Variants in DOCK3 observed in about 807,000 individuals in gnomAD.
DOCK3 encodes dedicator of cytokinesis protein 3.
DOCK3 carries 60 observed loss-of-function variants against 265.6 expected under a neutral mutation model. That is an observed-to-expected ratio of 0.23 (90% CI 0.18 to 0.28). The LOEUF is 0.28. DOCK3 is among the 10% of genes least tolerant of loss of function. DOCK3 has a pLI of 1.00. For synonymous variants in DOCK3, 881 were observed against 938.0 expected (o/e 0.94, Z 1.11); for missense variants, 1,981 against 2,594.3 (o/e 0.76, Z 5.14).
intron 5 of DOCK3, among the ~76,000 whole-genome samples, chr3:51,020,646 A>G (rs748603089): frequency 6.6e-6 from 1 of 151,832 alleles, no homozygotes; most frequent in Non-Finnish European, 1.5e-5. Flanking sequence ...TAATTTTTGT[A>G]TAATGTATAA....
intron 5 of DOCK3, among the ~76,000 whole-genome samples, chr3:51,049,890 A>G (rs1054896521): frequency 6.6e-6 from 1 of 151,908 alleles, no homozygotes; most frequent in African/African-American, 2.4e-5. Context: ...TAGAAAATCA[A>G]CACACAAATA....
intron 12 of DOCK3, among the ~76,000 whole-genome samples, chr3:51,197,569 T>C (rs2088388096): frequency 1.3e-5 from 2 of 151,864 alleles, no homozygotes; most frequent in Admixed American, 1.3e-4. Flanking sequence ...GTGCCCAAAG[T>C]GGTTGTGTTG....
At chr3:51,338,546 T>C (rs2085018205) in intron 36 of DOCK3, 127 bp downstream of exon 36, 1 of 1,025,336 alleles carries the variant, frequency 9.8e-7, no homozygotes, top group East Asian at 2.6e-5. Context: ...ACATCAGCTC[T>C]GTTACTGGTA....
chr3:51,205,312 T>C (rs1325230593), intron 12 of DOCK3, among the ~76,000 whole-genome samples: 42 of 151,938 alleles, frequency 2.8e-4, no homozygotes, highest in Non-Finnish European at 5.9e-5. Flanking sequence ...AACACGAGGA[T>C]GCTGCTAAAA....
intron 5 of DOCK3, among the ~76,000 whole-genome samples, chr3:51,020,335 AGTTT>A (rs2079531483): frequency 2.0e-5 from 3 of 151,168 alleles, no homozygotes; most frequent in Non-Finnish European, 2.9e-5. Flanking sequence ...TTTTCTCGTA[AGTTT>A]GTTTGAGTTC....
chr3:51,293,964 A>G (rs2081931045), intron 27 of DOCK3, among the ~76,000 whole-genome samples: 2 of 152,214 alleles, frequency 1.3e-5, no homozygotes, highest in Admixed American at 6.5e-5. Context: ...TGGTGAGGAT[A>G]TGGAGAAAAG....
chr3:50,724,518 AG>A (rs2108049802), intron 1 of DOCK3, among the ~76,000 whole-genome samples: 1 of 152,356 alleles, frequency 6.6e-6, no homozygotes, highest in East Asian at 1.9e-4. Context: ...GCCATAAAAA[AG>A]GATGAGTTAA....
At chr3:51,360,435 G>T in intron 46 of DOCK3, 76 bp from the exon 47 acceptor site, 1 of 1,515,052 alleles carries the variant, frequency 6.6e-7, no homozygotes. Context: ...TTGATCACCA[G>T]TCAGTTATTC....
In DOCK3 at chr3:51,381,493, G is replaced by C. The variant is rs1553618730; in HGVS notation, c.6027G>C (p.Leu2009Phe). 6.3e-7 allele frequency: 1 copy of C among 1,585,834 alleles called. No homozygotes were observed. The highest frequency in any genetic ancestry group is 1.8e-5 in the Admixed American group (1 of 55,430). The change falls in exon 53 of 53, where the codon TTG (leucine) becomes TTC (phenylalanine). Residue 2009 changes from leucine (L) to phenylalanine (F), a missense_variant. Coordinates refer to ENST00000266037, the MANE Select transcript of DOCK3 (RefSeq NM_004947.5). This position sits in a 1 kb window ranked among gnomAD's most constrained non-coding sequence, Gnocchi z 5.6. ...RPRGLHRKAP[L>F]PPGSAKEEQA... Reference sequence around the variant, plus strand: ...GAGGCCTGCACCGCAAGGCTCCATTGCCTCCTGGGAGCGCTAAGGAGGAGC... The same window carrying C: ...GAGGCCTGCACCGCAAGGCTCCATTCCCTCCTGGGAGCGCTAAGGAGGAGC...
At position 50,858,448 on chromosome 3, in the gene DOCK3, T is replaced by TAATAATAATAATAAA. The variant is rs1172394817; in HGVS notation, c.162+16738_162+16739insTAATAATAAAAATAA. Among the ~76,000 whole-genome samples, 293 of 122,292 alleles carry TAATAATAATAATAAA rather than the reference T, an allele frequency of 2.4e-3. 1 individual carries two copies. Among genetic ancestry groups the TAATAATAATAATAAA allele is most frequent in the African/African-American group, 7.6e-3 (283 of 37,124 alleles). The allele number at this position is 122,292 out of a possible 152,430, so 80.2% of individuals were successfully genotyped here. On this transcript the variant is annotated intron_variant, in intron 3 of 52. Transcript: ENST00000266037. Reference sequence around the variant, plus strand: ...ATAATAATAATAATAATAATAATAATAATAAAAATAAAATGTTTAGTATAG... The same window carrying TAATAATAATAATAAA: ...ATAATAATAATAATAATAATAATAATAATAATAATAATAAAAATAAAAATAAAATGTTTAGTATAG...
rs148393932 is a variant in DOCK3, at chr3:51,130,278, T to G, written c.747-16271T>G. On this transcript the variant is annotated intron_variant, in intron 9 of 52. Coordinates refer to ENST00000266037, the MANE Select transcript of DOCK3 (RefSeq NM_004947.5). ...GATATCTTGCAGAAGTGAAAAGTGA[T>G]GAAGGTCTCTCCAAATAAGGTTATG... Among the ~76,000 whole-genome samples the G allele has an allele frequency of 6.6e-3, 1,007 of 152,334 alleles. 2 individuals carry two copies. The highest frequency in any genetic ancestry group is 0.01 in the Middle Eastern group (3 of 294).
intron 12 of DOCK3, among the ~76,000 whole-genome samples, chr3:51,207,598 T>C (rs2089285256): frequency 6.6e-6 from 1 of 152,162 alleles, no homozygotes; most frequent in Admixed American, 6.5e-5. Context: ...AGCCACTGAC[T>C]GGGTAACAAT....
intron 14 of DOCK3, among the ~76,000 whole-genome samples, chr3:51,221,373 A>C (rs2090091190): frequency 6.6e-6 from 1 of 152,170 alleles, no homozygotes; most frequent in South Asian, 2.1e-4. Flanking sequence ...ACTATAGCCT[A>C]TGGGCCAAAT....
chr3:50,829,140 G>C (rs1031111892), intron 2 of DOCK3, among the ~76,000 whole-genome samples: 1 of 152,082 alleles, frequency 6.6e-6, no homozygotes, highest in Non-Finnish European at 1.5e-5. Flanking sequence ...CTGGTTTGCT[G>C]CGCATTGTTT....
chr3:50,828,813 A>C (rs2044941961), intron 2 of DOCK3, among the ~76,000 whole-genome samples: 1 of 151,938 alleles, frequency 6.6e-6, no homozygotes, highest in Admixed American at 6.6e-5. Context: ...TCCTGGATTA[A>C]AGTGATTCTC....
rs186540814 is a variant in DOCK3, at chr3:51,205,360, A to G, written c.1038-3414A>G. Among the ~76,000 whole-genome samples, 306 of 152,070 alleles carry G rather than the reference A, an allele frequency of 2.0e-3. 8 individuals carry two copies. The highest frequency in any genetic ancestry group is 0.018 in the Admixed American group (280 of 15,270). ...AAGATAGAGAGGCATGAAATGATGA[A>G]GACTTTGATGGGGTTAGGACTAAAG... is the stretch of plus-strand genomic sequence containing the variant. On this transcript the variant is annotated intron_variant, in intron 12 of 52. Transcript: ENST00000266037.
intron 12 of DOCK3, among the ~76,000 whole-genome samples, chr3:51,205,037 G>A (rs1163605863): frequency 6.6e-6 from 1 of 152,030 alleles, no homozygotes; most frequent in Non-Finnish European, 1.5e-5. Flanking sequence ...TAGGGGGGAG[G>A]GATAGCATTG....
intron 10 of DOCK3, among the ~76,000 whole-genome samples, chr3:51,147,910 C>T (rs950831663): frequency 5.3e-5 from 8 of 152,162 alleles, no homozygotes; most frequent in African/African-American, 1.2e-4. Context: ...CTTGAGGAAT[C>T]GCCACACTAT....
At chr3:51,012,864 C>A (rs2079007478) in intron 5 of DOCK3, among the ~76,000 whole-genome samples, 1 of 152,088 alleles carries the variant, frequency 6.6e-6, no homozygotes, top group East Asian at 1.9e-4. Context: ...CTTTTTTTCT[C>A]TAAACCTCTC....
Sources: gnomAD v4.1 joint callset for allele counts (sites outside exome capture counted in the v4.1 genomes callset) on GRCh38, gnomAD v4.1.1 for gene constraint, Gnocchi (gnomAD v3.1) non-coding constraint, MANE v1.5 for transcripts, NCBI Gene and HGNC (gene_info 2026-07-23, HGNC 2026-07-21) for gene names.